Variants in DNAH5 observed in about 807,000 individuals in gnomAD.
DNAH5 encodes axonemal beta dynein heavy chain 5.
A neutral mutation model predicts 518.2 loss-of-function variants in DNAH5; 372 were observed. That is an observed-to-expected ratio of 0.72 (90% CI 0.66 to 0.78). DNAH5 has a LOEUF of 0.78. DNAH5 is among the 30% of genes least tolerant of loss of function. The pLI is 0.00. For synonymous variants in DNAH5, 2,039 were observed against 2,025.9 expected, an observed-to-expected ratio of 1.01 and a Z score of -0.17; for missense variants, 5,523 against 5,687.0, an observed-to-expected ratio of 0.97 and a Z score of 0.93.
chr5:13,991,871 A>G (rs980103654), intron 1 of DNAH5, among the ~76,000 whole-genome samples: 1 of 152,214 alleles, frequency 6.6e-6, no homozygotes, highest in Non-Finnish European at 1.5e-5. Flanking sequence ...AAAGAGATAA[A>G]TGTGTCTACC....
intron 1 of DNAH5, among the ~76,000 whole-genome samples, chr5:13,979,880 G>A (rs1475615250): frequency 2.3e-5 from 3 of 127,966 alleles, no homozygotes; most frequent in Non-Finnish European, 3.2e-5. Context: ...TTGCTCTGTT[G>A]CCCAGGCTGG....
chr5:13,914,625 T>C lies in DNAH5; in HGVS notation c.1215A>G (p.Ile405Met). The change falls in exon 10 of 79, where the codon ATA becomes ATG. Residue 405 changes from isoleucine to methionine, a missense_variant. Physicochemically the swap from Ile to Met is conservative, Grantham distance 10 (BLOSUM62 1). Coordinates refer to ENST00000265104, the MANE Select transcript of DNAH5 (RefSeq NM_001369.3). ...SLFVKVTNQI[I>M]SACKAYITNN... ...TGGTAATATAGGCTTTACATGCAGA[T>C]ATAATCTGATTTGTCACCTGGGATT... 6.2e-7 allele frequency: 1 copy of C among 1,613,090 alleles called. No homozygotes were observed. Among genetic ancestry groups the C allele is most frequent in the Non-Finnish European group, 8.5e-7 (1 of 1,179,194 alleles).
chr5:13,794,673 A>G (rs2126918372), intron 47 of DNAH5, among the ~76,000 whole-genome samples: 1 of 152,248 alleles, frequency 6.6e-6, no homozygotes, highest in Non-Finnish European at 1.5e-5. Flanking sequence ...TCTGTAAAAA[A>G]CCTTCCTTGA....
At chr5:13,955,540 G>A (rs1230976331) in intron 1 of DNAH5, among the ~76,000 whole-genome samples, 1 of 152,142 alleles carries the variant, frequency 6.6e-6, no homozygotes, top group African/African-American at 2.4e-5. Context: ...AATTCACTGA[G>A]TGATGTAGAG....
chr5:13,743,669 C>T (rs1249618813), intron 65 of DNAH5, among the ~76,000 whole-genome samples: 1 of 151,802 alleles, frequency 6.6e-6, no homozygotes, highest in East Asian at 1.9e-4. Flanking sequence ...AGACATGTCT[C>T]AAAAGACATA....
In DNAH5 at chr5:13,891,130, A is replaced by G. The variant is rs1445882678; in HGVS notation, c.2432-9T>C. 4.3e-6 allele frequency: 7 copies of G among 1,613,886 alleles called. No homozygotes were observed. The African/African-American group carries it at 9.3e-5, about 22-fold the overall frequency. Reference sequence around the variant, plus strand: ...CAGCAACTCCAGGTCCTCTTTGGGAAAAAATAAAAGTAAATAAAAGAGATT... The same window carrying G: ...CAGCAACTCCAGGTCCTCTTTGGGAGAAAATAAAAGTAAATAAAAGAGATT... On this transcript the variant is annotated splice_polypyrimidine_tract_variant and intron_variant, in intron 16 of 78. Coordinates refer to ENST00000265104, the MANE Select transcript of DNAH5 (RefSeq NM_001369.3).
intron 42 of DNAH5, 76 bp downstream of exon 42, chr5:13,817,472 C>T: frequency 7.0e-7 from 1 of 1,428,394 alleles, no homozygotes; most frequent in Non-Finnish European, 9.8e-7. Flanking sequence ...TACAGTTGTT[C>T]TACTAATTCT....
At chr5:13,932,407 T>C (rs1171113200) in intron 1 of DNAH5, 1 of 152,238 alleles carries the variant, frequency 6.6e-6, no homozygotes, top group East Asian at 1.9e-4. Context: ...AAGCCTAGCA[T>C]TGAAGGAGGG....
chr5:13,871,654 C>G lies in DNAH5; in HGVS notation c.3508G>C (p.Glu1170Gln). Reference sequence around the variant, plus strand: ...TTTTGGAAATAGAGAATCTGGGACTCAAATTCAGAAAGCAAGGGGCTCTGT... The same window carrying G: ...TTTTGGAAATAGAGAATCTGGGACTGAAATTCAGAAAGCAAGGGGCTCTGT... ...ITQSPLLSEFESQILYFQNLE... is the reference protein window; with the variant it reads ...ITQSPLLSEFQSQILYFQNLE... The change falls in exon 23 of 79, where the codon GAG becomes CAG. Residue 1170 changes from glutamate to glutamine, a missense_variant. Glu to Gln is a conservative substitution (Grantham distance 29). This residue lies in a region of DNAH5 where 5,121 missense variants were observed against 5,223.3 expected (regional missense o/e 0.98). Transcript: ENST00000265104. The G allele has an allele frequency of 1.9e-6, 3 of 1,613,792 alleles. No individual in the cohort carries two copies. The highest frequency in any genetic ancestry group is 2.5e-6 in the Non-Finnish European group (3 of 1,179,796).
At chr5:13,959,103 C>A (rs796486613) in intron 1 of DNAH5, among the ~76,000 whole-genome samples, 1 of 152,180 alleles carries the variant, frequency 6.6e-6, no homozygotes, top group African/African-American at 2.4e-5. Context: ...TGTGCCACCA[C>A]GCCCAGCTAA....
intron 44 of DNAH5, chr5:13,810,478 T>C (rs1046671923): frequency 5.0e-5 from 29 of 581,074 alleles, no homozygotes; most frequent in African/African-American, 4.2e-4. Flanking sequence ...CGGTGGCTCA[T>C]GCCTGTACTC....
intron 21 of DNAH5, among the ~76,000 whole-genome samples, chr5:13,877,205 G>C (rs959703797): frequency 1.3e-5 from 2 of 152,158 alleles, no homozygotes; most frequent in African/African-American, 4.8e-5. Context: ...GGGCCAGCCT[G>C]GGCTTGGAGC....
intron 58 of DNAH5, among the ~76,000 whole-genome samples, chr5:13,768,063 C>T (rs909473318): frequency 6.6e-6 from 1 of 152,194 alleles, no homozygotes; most frequent in Non-Finnish European, 1.5e-5. Context: ...AAACTCATTT[C>T]ATTTTCTCAA....
chr5:13,959,388 C>G (rs891804637), intron 1 of DNAH5, among the ~76,000 whole-genome samples: 7 of 152,240 alleles, frequency 4.6e-5, no homozygotes, highest in African/African-American at 1.2e-4. Flanking sequence ...TGTGGATTCT[C>G]TCTGTCTTCG....
intron 36 of DNAH5, 121 bp from the exon 37 acceptor site, chr5:13,830,334 C>A: frequency 3.0e-6 from 3 of 1,013,068 alleles, no homozygotes; most frequent in South Asian, 2.8e-5. Flanking sequence ...TAAAGTGCAA[C>A]AAATAGATCT....
intron 16 of DNAH5, among the ~76,000 whole-genome samples, 176 bp downstream of exon 16, chr5:13,894,474 T>C (rs1436341824): frequency 6.6e-6 from 1 of 152,226 alleles, no homozygotes; most frequent in Non-Finnish European, 1.5e-5. Flanking sequence ...TGAATATTTA[T>C]AGTTTCCAGG....
At chr5:13,771,405 C>G (rs1353423769) in intron 55 of DNAH5, 1 of 185,362 alleles carries the variant, frequency 5.4e-6, no homozygotes, top group African/African-American at 2.4e-5. Flanking sequence ...TCCACCCTGG[C>G]TCTGACTGCA....
At chr5:13,731,760 T>G (rs150709857) in intron 68 of DNAH5, among the ~76,000 whole-genome samples, 11 of 152,312 alleles carry the variant, frequency 7.2e-5, no homozygotes, top group Admixed American at 3.3e-4. Context: ...CAATCATAAA[T>G]TGTCACAGCT....
In DNAH5 at chr5:13,716,611, C is replaced by T. The variant is rs1744308032; in HGVS notation, c.12785G>A (p.Arg4262Lys). The T allele has an allele frequency of 1.9e-6, 3 of 1,613,890 alleles. No homozygotes were observed. Among genetic ancestry groups the T allele is most frequent in the Non-Finnish European group, 1.7e-6 (2 of 1,179,772 alleles). ...AACCTTAGCAAATGTGTTCAACAAT[C>T]TCTTATCATAGTCGTCAGTGACTCT... ...GGRVTDDYDK[R>K]LLNTFAKVWF... The change falls in exon 74 of 79, where the codon AGA becomes AAA. Residue 4262 changes from arginine (R) to lysine (K), a missense_variant. Around this residue, in one of 3 missense-constraint regions of DNAH5, gnomAD observed 15 missense variants for 33.6 expected, o/e 0.45. Transcript: ENST00000265104.
Sources: allele counts gnomAD v4.1 joint callset (sites outside exome capture counted in the v4.1 genomes callset), GRCh38; gene constraint gnomAD v4.1.1; regional missense constraint gnomAD v4.1.1; transcripts MANE v1.5; gene names NCBI Gene and HGNC (gene_info 2026-07-23, HGNC 2026-07-21).